TMEM108: variants seen among roughly 807,000 people sequenced by gnomAD.
TMEM108 encodes the protein transmembrane protein 108, also known as cancer/testis antigen 124.
TMEM108 carries 12 observed loss-of-function variants against 35.1 expected under a neutral mutation model. The observed-to-expected ratio is 0.34, with a 90% CI of 0.22 to 0.55. The LOEUF (loss-of-function observed/expected upper bound fraction) is 0.55, where lower values mean the gene tolerates loss of function less well. TMEM108 is among the 20% of genes least tolerant of loss of function. The pLI is 0.89. For missense variants in TMEM108, 680 were observed against 753.3 expected (o/e 0.90, Z 1.14); for synonymous variants, 287 against 308.6 (o/e 0.93, Z 0.73).
intron 2 of TMEM108, among the ~76,000 whole-genome samples, chr3:133,057,435 G>GTGTATATA (rs1559818400): frequency 6.6e-5 from 3 of 45,744 alleles, no homozygotes; most frequent in South Asian, 9.4e-4. Flanking sequence ...GTGTGTGTGT[G>GTGTATATA]TATATATATA....
intron 3 of TMEM108, among the ~76,000 whole-genome samples, chr3:133,258,491 A>G (rs1946579405): frequency 1.3e-5 from 2 of 152,164 alleles, no homozygotes; most frequent in African/African-American, 4.8e-5. Context: ...GAGGGGGGTG[A>G]TGGAAGTCCA....
Position 133,397,288 on chromosome 3 carries a change from G to A in TMEM108, c.*1302G>A, listed in dbSNP as rs762555791. ...AGTTTGATAGTATATTTTGAATATA[G>A]ATGCTCTTATAGTCAGATTGGGAAT... On this transcript the variant is annotated 3_prime_UTR_variant, in exon 6 of 6. Transcript: ENST00000321871. 3 of 152,024 alleles carry A rather than the reference G, an allele frequency of 2.0e-5. No homozygotes were observed. Among genetic ancestry groups the A allele is most frequent in the Admixed American group, 6.5e-5 (1 of 15,272 alleles). 9.4% of individuals were successfully genotyped at this position (152,024 alleles called of 1,614,324 possible).
chr3:133,272,964 G>A (rs2370050), intron 3 of TMEM108, among the ~76,000 whole-genome samples: 146,964 of 152,256 alleles, frequency 0.97, 71,117 homozygotes, highest in East Asian at 1. Context: ...TGTCAACAGC[G>A]TCCGCATTGA....
At chr3:133,041,462 T>G (rs1042069782) in intron 1 of TMEM108, among the ~76,000 whole-genome samples, 6 of 152,198 alleles carry the variant, frequency 3.9e-5, no homozygotes, top group African/African-American at 1.2e-4. Flanking sequence ...ACTATGGAGC[T>G]GGCAAACCAG....
At chr3:133,129,064 G>C (rs1255239132) in intron 2 of TMEM108, among the ~76,000 whole-genome samples, 2 of 152,126 alleles carry the variant, frequency 1.3e-5, no homozygotes, top group Non-Finnish European at 2.9e-5. Context: ...AACAAAACAG[G>C]CTGGGCACAG....
intron 2 of TMEM108, among the ~76,000 whole-genome samples, chr3:133,130,475 A>G (rs1944476090): frequency 2.0e-5 from 3 of 152,140 alleles, no homozygotes; most frequent in Non-Finnish European, 2.9e-5. Flanking sequence ...CTCCTCAGGC[A>G]TCTCTGTTTG....
rs571088998 is a variant in TMEM108 at position 133,292,668 on chromosome 3, G to GT, written c.40+63325dup. Among the ~76,000 whole-genome samples, 285 of 152,190 alleles carry GT rather than the reference G, an allele frequency of 1.9e-3. 1 individual carries two copies. Among genetic ancestry groups the GT allele is most frequent in the Non-Finnish European group, 3.3e-3 (225 of 68,000 alleles). ...GGACCCTGGAGACAGTTTTTATAAA[G>GT]TTTTTTTTAAAGCATCTGTTTCAAA... On this transcript the variant is annotated intron_variant, in intron 3 of 5. Coordinates refer to ENST00000321871, the MANE Select transcript of TMEM108 (RefSeq NM_023943.4).
At chr3:133,228,680 A>G (rs1032275491) in intron 2 of TMEM108, among the ~76,000 whole-genome samples, 2 of 152,098 alleles carry the variant, frequency 1.3e-5, no homozygotes, top group African/African-American at 4.8e-5. Context: ...AAAGAGATAC[A>G]CTCTAAAATG....
At chr3:133,347,876 C>T (rs1449490785) in intron 3 of TMEM108, among the ~76,000 whole-genome samples, 1 of 151,864 alleles carries the variant, frequency 6.6e-6, no homozygotes, top group African/African-American at 2.4e-5. Context: ...AGCCTCACTG[C>T]AAGAAGGAGC....
At chr3:133,366,566 T>C (rs1156801131) in intron 3 of TMEM108, among the ~76,000 whole-genome samples, 1 of 152,226 alleles carries the variant, frequency 6.6e-6, no homozygotes, top group Non-Finnish European at 1.5e-5. Context: ...TCCATTGTTC[T>C]CTCCTTGTTC....
intron 4 of TMEM108, chr3:133,387,446 G>A (rs938858203): frequency 1.4e-5 from 14 of 985,346 alleles, no homozygotes; most frequent in Middle Eastern, 5.2e-4. Flanking sequence ...GGAAGACAGC[G>A]TGGAGCAGAA....
intron 2 of TMEM108, among the ~76,000 whole-genome samples, chr3:133,225,079 C>T (rs571799268): frequency 7.2e-6 from 1 of 139,508 alleles, no homozygotes; most frequent in Non-Finnish European, 1.5e-5. Flanking sequence ...GAGTCCTGCT[C>T]TGCCGCCTAG....
chr3:133,066,572 C>G (rs1943611017), intron 2 of TMEM108, among the ~76,000 whole-genome samples: 1 of 152,100 alleles, frequency 6.6e-6, no homozygotes. Context: ...TAAAAAGGAC[C>G]TCTATTCCAT....
rs1259845657 is a variant in TMEM108, at chr3:133,346,056, G to A, written c.41-33696G>A. Among the ~76,000 whole-genome samples, 2 of 151,936 alleles carry A rather than the reference G, an allele frequency of 1.3e-5. No individual in the cohort carries two copies. The highest frequency in any genetic ancestry group is 2.9e-5 in the Non-Finnish European group (2 of 67,880). ...TCACCTATTCAAAGACATCTTGGTT[G>A]CTTCTAGTTGTTGACAATTATGAAT... On this transcript the variant is annotated intron_variant, in intron 3 of 5. Coordinates refer to ENST00000321871, the MANE Select transcript of TMEM108 (RefSeq NM_023943.4). The surrounding 1 kb of genome is among the most constrained non-coding windows in gnomAD (Gnocchi z 4.0).
intron 2 of TMEM108, among the ~76,000 whole-genome samples, chr3:133,069,753 A>G (rs189820835): frequency 1.3e-5 from 2 of 152,224 alleles, no homozygotes; most frequent in Non-Finnish European, 1.5e-5. Context: ...GGATTGGTGC[A>G]TGATCTGTCC....
At chr3:133,228,351 C>T (rs143129804) in intron 2 of TMEM108, among the ~76,000 whole-genome samples, 1,534 of 152,038 alleles carry the variant, frequency 0.01, 25 homozygotes, top group African/African-American at 0.035. Context: ...ACATTGAGAC[C>T]GAATATTTGC....
intron 3 of TMEM108, among the ~76,000 whole-genome samples, chr3:133,311,296 T>A (rs2071125851): frequency 6.6e-6 from 1 of 152,240 alleles, no homozygotes; most frequent in South Asian, 2.1e-4. Context: ...GATAATATCC[T>A]GAAGAGTATT....
chr3:133,133,845 A>T (rs1944526383), intron 2 of TMEM108, among the ~76,000 whole-genome samples: 1 of 150,928 alleles, frequency 6.6e-6, no homozygotes, highest in Admixed American at 6.6e-5. Flanking sequence ...CTCACTGCAA[A>T]CTCTGCCTCC....
At chr3:133,102,855 C>T (rs186189844) in intron 2 of TMEM108, among the ~76,000 whole-genome samples, 2 of 147,004 alleles carry the variant, frequency 1.4e-5, no homozygotes, top group African/African-American at 2.4e-5. Context: ...CATCACTGAT[C>T]ATTAGAAAAC....
Sources: gnomAD v4.1 joint callset for allele counts (sites outside exome capture counted in the v4.1 genomes callset) on GRCh38, gnomAD v4.1.1 for gene constraint, Gnocchi (gnomAD v3.1) non-coding constraint, MANE v1.5 for transcripts, NCBI Gene and HGNC (gene_info 2026-07-23, HGNC 2026-07-21) for gene names.